The following BLOC1S6 variants were observed in gnomAD, a reference collection of about 807,000 sequenced individuals.
BLOC1S6 encodes biogenesis of lysosome-related organelles complex 1 subunit 6.
Under a neutral mutation model 24.7 loss-of-function variants are expected in BLOC1S6, and 24 were observed. The observed-to-expected ratio is 0.97, with a 90% CI of 0.70 to 1.37. The LOEUF is 1.37. BLOC1S6 is among the 40% of genes most tolerant of loss of function. The pLI, the probability that BLOC1S6 is intolerant of heterozygous loss-of-function variation, is 0.00. For synonymous variants in BLOC1S6, 76 were observed against 72.6 expected (o/e 1.05, Z -0.23); for missense variants, 175 against 196.2 (o/e 0.89, Z 0.64).
chr15:45,597,851 T>C, intron 2 of BLOC1S6: 1 of 361,192 alleles, frequency 2.8e-6, no homozygotes, highest in South Asian at 2.0e-5. Flanking sequence ...GTATACCTTT[T>C]ATTTCTTTTT....
At position 45,589,246 on chromosome 15, in the gene BLOC1S6, G is replaced by A. The variant is rs147366789; in HGVS notation, c.82+1721G>A. On this transcript the variant is annotated intron_variant, in intron 1 of 4. Transcript: ENST00000220531. ...TATATGTTTTAAAAGTTGCAGAATG[G>A]TATGAGTAATATTTCGTTTGTCATA... Among the ~76,000 whole-genome samples, 588 of 152,320 alleles carry A rather than the reference G, an allele frequency of 3.9e-3. 2 individuals carry two copies. The highest frequency in any genetic ancestry group is 0.013 in the African/African-American group (553 of 41,570).
intron 2 of BLOC1S6, among the ~76,000 whole-genome samples, chr15:45,596,031 C>A (rs1894062838): frequency 1.3e-5 from 2 of 152,108 alleles, no homozygotes; most frequent in African/African-American, 2.4e-5. Context: ...TGGTCTCAGA[C>A]CTCAGGTGAT....
rs915844618 is a variant in BLOC1S6 at position 45,607,895 on chromosome 15, T to G, written c.*1381T>G. 6.6e-6 allele frequency: 1 copy of G among 152,242 alleles called. No individual in the cohort carries two copies. Among genetic ancestry groups the G allele is most frequent in the Non-Finnish European group, 1.5e-5 (1 of 68,042 alleles). 9.4% of individuals were successfully genotyped at this position (152,242 alleles called of 1,614,324 possible). ...TTCACAAAAGAGGCAGCGTGATACC[T>G]TTAGTGTTTTCTAGAATTTTTTTCT... On this transcript the variant is annotated 3_prime_UTR_variant, in exon 5 of 5. Transcript: ENST00000220531.
At chr15:45,592,885 C>T (rs1347545028) in intron 2 of BLOC1S6, among the ~76,000 whole-genome samples, 3 of 152,296 alleles carry the variant, frequency 2.0e-5, no homozygotes. Flanking sequence ...TGGGTCGGGA[C>T]CTCTCTGGAT....
intron 4 of BLOC1S6, 147 bp downstream of exon 4, chr15:45,605,661 C>T: frequency 3.2e-6 from 2 of 615,850 alleles, no homozygotes; most frequent in Non-Finnish European, 5.6e-6. Context: ...GCAATCTCGG[C>T]TCACTGCAAC....
At chr15:45,597,293 G>A (rs1482213909) in intron 2 of BLOC1S6, among the ~76,000 whole-genome samples, 1 of 152,082 alleles carries the variant, frequency 6.6e-6, no homozygotes, top group East Asian at 1.9e-4. Context: ...CCTGGGTAAT[G>A]TAATGAGACC....
intron 2 of BLOC1S6, among the ~76,000 whole-genome samples, chr15:45,593,892 G>T (rs146136890): frequency 3.3e-5 from 5 of 152,086 alleles, no homozygotes. Context: ...GGCTCAGAGA[G>T]GTTAAGTAAT....
intron 1 of BLOC1S6, among the ~76,000 whole-genome samples, chr15:45,590,967 C>G (rs1217646862): frequency 6.6e-6 from 1 of 151,802 alleles, no homozygotes; most frequent in Non-Finnish European, 1.5e-5. Flanking sequence ...ACCATTAAAC[C>G]CTATTTAGAA....
At chr15:45,601,190 AAAT>A (rs1894257264) in intron 2 of BLOC1S6, 1 of 154,548 alleles carries the variant, frequency 6.5e-6, no homozygotes, top group South Asian at 2.0e-4. Context: ...CTCTCTTTCA[AAAT>A]ATCTTATTGT....
intron 2 of BLOC1S6, among the ~76,000 whole-genome samples, 181 bp from the exon 3 acceptor site, chr15:45,602,919 C>A (rs564464164): frequency 2.6e-4 from 39 of 152,290 alleles, no homozygotes; most frequent in African/African-American, 8.9e-4. Flanking sequence ...ATTTAGTTAT[C>A]AGAATGTGGC....
chr15:45,605,359 G>T, intron 3 of BLOC1S6, 69 bp from the exon 4 acceptor site: 1 of 1,237,706 alleles, frequency 8.1e-7, no homozygotes, highest in Non-Finnish European at 1.2e-6. Context: ...TTTATATATT[G>T]CCTTATTTAT....
rs1240920833 is a variant in BLOC1S6 at position 45,603,141 on chromosome 15, T to C, written c.266T>C (p.Ile89Thr). Reference sequence around the variant, plus strand: ...TTGTTAGACACACTGGAACAAGAGATTTCAAAATTTAAAGAATGTCATTCT... The same window carrying C: ...TTGTTAGACACACTGGAACAAGAGACTTCAAAATTTAAAGAATGTCATTCT... Reference protein sequence around the residue: ...VVLLDTLEQEISKFKECHSML... With the variant: ...VVLLDTLEQETSKFKECHSML... The change falls in exon 3 of 5, where the codon ATT becomes ACT. Residue 89 changes from isoleucine to threonine, a missense_variant. Coordinates refer to ENST00000220531, the MANE Select transcript of BLOC1S6 (RefSeq NM_012388.4). The C allele has an allele frequency of 6.2e-7, 1 of 1,611,558 alleles. No homozygotes were observed. The highest frequency in any genetic ancestry group is 1.7e-5 in the Admixed American group (1 of 59,940).
At chr15:45,597,760 G>A (rs138588382) in intron 2 of BLOC1S6, 3,371 of 197,174 alleles carry the variant, frequency 0.017, 52 homozygotes, top group Middle Eastern at 0.046. Flanking sequence ...GTTTCAGGAG[G>A]TTTCTTGTTG....
chr15:45,606,610 G>A lies in BLOC1S6; in HGVS notation c.*96G>A. ...TTGAGGTAGTGCCTTATGCCATTAT[G>A]TCATATGTTGAAATCCTTATTCCGG... is the stretch of plus-strand genomic sequence containing the variant. On this transcript the variant is annotated 3_prime_UTR_variant, in exon 5 of 5. Transcript: ENST00000220531. 1 of 1,540,440 alleles carries A rather than the reference G, an allele frequency of 6.5e-7. No individual in the cohort carries two copies.
rs576287557 is a variant in BLOC1S6, at chr15:45,608,586, T to G, written c.*2072T>G. On this transcript the variant is annotated 3_prime_UTR_variant, in exon 5 of 5. Coordinates refer to ENST00000220531, the MANE Select transcript of BLOC1S6 (RefSeq NM_012388.4). ...TTAAAGTTTCCCCCAGTGATTCCAG[T>G]GCACCTGAAAAGTTGAGAACCACAG... The G allele has an allele frequency of 1.3e-5, 2 of 152,344 alleles. No individual in the cohort carries two copies. Among genetic ancestry groups the G allele is most frequent in the Non-Finnish European group, 2.9e-5 (2 of 68,040 alleles). The allele number at this position is 152,344 out of a possible 1,614,324, so 9.4% of individuals were successfully genotyped here.
At chr15:45,587,265 A>C, upstream of BLOC1S6, 1 of 667,834 alleles carries the variant, frequency 1.5e-6, no homozygotes, top group Non-Finnish European at 2.7e-6. Context: ...GGGTCCCCAC[A>C]ACGCCATGGG....
chr15:45,587,556 G>A (rs750153778), intron 1 of BLOC1S6, 31 bp downstream of exon 1: 8 of 1,545,646 alleles, frequency 5.2e-6, no homozygotes, highest in Non-Finnish European at 7.0e-6. Flanking sequence ...AGCGCGGCCC[G>A]GGCTGGGTGT....
intron 2 of BLOC1S6, among the ~76,000 whole-genome samples, chr15:45,593,023 A>G (rs1327374764): frequency 6.6e-6 from 1 of 152,124 alleles, no homozygotes; most frequent in Non-Finnish European, 1.5e-5. Context: ...GCAAAAGGAG[A>G]GGAATAATAA....
Position 45,608,199 on chromosome 15 carries a change from G to C in BLOC1S6, c.*1685G>C, listed in dbSNP as rs1055022420. Reference sequence around the variant, plus strand: ...TAAGTTGAGGGCTAAGAACTGGTTTGTTTAAAGGTTTAAATTGTTGGAAAA... The same window carrying C: ...TAAGTTGAGGGCTAAGAACTGGTTTCTTTAAAGGTTTAAATTGTTGGAAAA... On this transcript the variant is annotated 3_prime_UTR_variant, in exon 5 of 5. Coordinates refer to ENST00000220531, the MANE Select transcript of BLOC1S6 (RefSeq NM_012388.4). The C allele has an allele frequency of 6.6e-6, 1 of 152,626 alleles. No homozygotes were observed. Among genetic ancestry groups the C allele is most frequent in the South Asian group, 2.1e-4 (1 of 4,832 alleles). The allele number at this position is 152,626 out of a possible 1,614,324, so 9.5% of individuals were successfully genotyped here.
Sources: gnomAD v4.1 joint callset for allele counts (sites outside exome capture counted in the v4.1 genomes callset) on GRCh38, gnomAD v4.1.1 for gene constraint, MANE v1.5 for transcripts, NCBI Gene and HGNC (gene_info 2026-07-23, HGNC 2026-07-21) for gene names.